Variants in DHRS3 observed in about 807,000 individuals in gnomAD.
DHRS3 encodes the protein short-chain dehydrogenase/reductase 3.
Under a neutral mutation model 27.2 loss-of-function variants are expected in DHRS3, and 14 were observed. That is an observed-to-expected ratio of 0.52 (90% CI 0.34 to 0.81). The LOEUF (loss-of-function observed/expected upper bound fraction) is 0.81. Among genes scored for constraint, DHRS3 ranks in the 30% least tolerant of loss-of-function variants. The probability of loss-of-function intolerance (pLI) is 0.01; values close to 1 mark genes in which losing one functional copy is unlikely to be tolerated. For synonymous variants in DHRS3, 165 were observed against 175.9 expected (o/e 0.94, Z 0.49); for missense variants, 322 against 406.2 (o/e 0.79, Z 1.78).
rs1245331771 is a variant in DHRS3 at position 12,593,457 on chromosome 1, G to A, written c.196-12791C>T. 1.3e-5 allele frequency among the ~76,000 whole-genome samples: 2 copies of A among 152,108 alleles called. No individual in the cohort carries two copies. Among genetic ancestry groups the A allele is most frequent in the Admixed American group, 1.3e-4 (2 of 15,262 alleles). On this transcript the variant is annotated intron_variant, in intron 1 of 5. Coordinates refer to ENST00000616661, the MANE Select transcript of DHRS3 (RefSeq NM_004753.7). This position sits in a 1 kb window ranked among gnomAD's most constrained non-coding sequence, Gnocchi z 4.6. ...GGCTTCAAGTGATCCTCCTGCCTCAGTCTCCCAAAGTGCTGGGATTACAGG... is the reference window on the plus strand; with the variant it reads ...GGCTTCAAGTGATCCTCCTGCCTCAATCTCCCAAAGTGCTGGGATTACAGG...
At chr1:12,590,750 T>C (rs1208921236) in intron 1 of DHRS3, among the ~76,000 whole-genome samples, 5 of 152,138 alleles carry the variant, frequency 3.3e-5, no homozygotes, top group Non-Finnish European at 7.3e-5. Context: ...GTGGGATCCC[T>C]CTAGCTGTCA....
Position 12,608,316 on chromosome 1 carries a change from G to C in DHRS3, c.195+8838C>G, listed in dbSNP as rs6541043. ...AGTACCACGGTCATGAATATTACTA[G>C]GAACGCAAGGAAGCCATCAGCATCC... On this transcript the variant is annotated intron_variant, in intron 1 of 5. Transcript: ENST00000616661. The surrounding 1 kb of genome is among the most constrained non-coding windows in gnomAD (Gnocchi z 4.1). Among the ~76,000 whole-genome samples the C allele has an allele frequency of 0.5, 75,494 of 151,940 alleles. 19,597 individuals carry two copies. Among genetic ancestry groups the C allele is most frequent in the South Asian group, 0.59 (2,839 of 4,804 alleles).
intron 1 of DHRS3, among the ~76,000 whole-genome samples, chr1:12,602,977 C>A (rs1646845582): frequency 6.6e-6 from 1 of 152,226 alleles, no homozygotes; most frequent in African/African-American, 2.4e-5. Flanking sequence ...GGGATGGGTG[C>A]TTTGGAGGCA....
intron 1 of DHRS3, chr1:12,600,317 G>A: frequency 1.3e-5 from 13 of 983,648 alleles, no homozygotes; most frequent in Non-Finnish European, 1.6e-5. Flanking sequence ...TGGCTGAGGA[G>A]GTGTGAGCCC....
rs144578101 is a variant in DHRS3 at position 12,578,306 on chromosome 1, C to CT, written c.698+411dup. Among the ~76,000 whole-genome samples the CT allele has an allele frequency of 0.019, 2,948 of 152,206 alleles. 101 individuals carry two copies. The highest frequency in any genetic ancestry group is 0.067 in the African/African-American group (2,769 of 41,514). On this transcript the variant is annotated intron_variant, in intron 4 of 5. Coordinates refer to ENST00000616661, the MANE Select transcript of DHRS3 (RefSeq NM_004753.7). This position sits in a 1 kb window ranked among gnomAD's most constrained non-coding sequence, Gnocchi z 4.5. The stretch of plus-strand genomic sequence containing the variant: ...GACAGCGTCAAACAGAGGGTAGAGG[C>CT]TCCTTGGTGACTTTTTGTTTTGAGA...
chr1:12,577,080 A>T (rs1039719241), intron 4 of DHRS3, among the ~76,000 whole-genome samples: 5 of 151,914 alleles, frequency 3.3e-5, no homozygotes, highest in Admixed American at 3.3e-4. Context: ...GTCTCACTGA[A>T]TTCTCCTCAT....
chr1:12,609,976 TCCTTATACCCTA>T (rs1646896217), intron 1 of DHRS3, among the ~76,000 whole-genome samples: 1 of 152,194 alleles, frequency 6.6e-6, no homozygotes, highest in Non-Finnish European at 1.5e-5. Flanking sequence ...AGTGTGGCCT[TCCTTATACCCTA>T]CCTAGAATCT....
At chr1:12,579,065 C>T (rs759956337) in intron 3 of DHRS3, 109 bp from the exon 4 acceptor site, 74 of 1,262,544 alleles carry the variant, frequency 5.9e-5, no homozygotes, top group Non-Finnish European at 7.7e-5. Flanking sequence ...CTCTAGGGCC[C>T]GAGCCTTCCT....
chr1:12,585,682 C>T lies in DHRS3; in HGVS notation c.196-5016G>A, dbSNP rs559545798. On this transcript the variant is annotated intron_variant, in intron 1 of 5. Coordinates refer to ENST00000616661, the MANE Select transcript of DHRS3 (RefSeq NM_004753.7). ...CTTCTGGGGAATCTGCGTCACTGAC[C>T]AGGTAACTGGCAGATACCGCTCTGC... Among the ~76,000 whole-genome samples the T allele has an allele frequency of 7.0e-4, 106 of 152,298 alleles. 1 individual carries two copies. The highest frequency in any genetic ancestry group is 9.1e-4 in the Non-Finnish European group (62 of 68,018).
At position 12,578,577 on chromosome 1, in the gene DHRS3, C is replaced by A; in HGVS notation, c.698+141G>T. 1.2e-6 allele frequency: 1 copy of A among 840,104 alleles called. No individual in the cohort carries two copies. The highest frequency in any genetic ancestry group is 2.5e-5 in the Admixed American group (1 of 40,578). The allele number at this position is 840,104 out of a possible 1,614,324, so 52.0% of individuals were successfully genotyped here. On this transcript the variant is annotated intron_variant, in intron 4 of 5. Coordinates refer to ENST00000616661, the MANE Select transcript of DHRS3 (RefSeq NM_004753.7). The surrounding 1 kb of genome is among the most constrained non-coding windows in gnomAD (Gnocchi z 4.5). ...CAAGCGATCCACCTGCCTTGGCTTCCCAAAATGCTAGGATTATAGGTATGA... is the reference window on the plus strand; with the variant it reads ...CAAGCGATCCACCTGCCTTGGCTTCACAAAATGCTAGGATTATAGGTATGA...
chr1:12,603,960 C>T (rs1646853091), intron 1 of DHRS3, among the ~76,000 whole-genome samples: 1 of 152,236 alleles, frequency 6.6e-6, no homozygotes, highest in Non-Finnish European at 1.5e-5. Flanking sequence ...GAGCCTGCAT[C>T]TGAGCCTGTA....
intron 1 of DHRS3, among the ~76,000 whole-genome samples, chr1:12,590,599 C>T (rs972817128): frequency 2.0e-5 from 3 of 152,118 alleles, no homozygotes; most frequent in South Asian, 2.1e-4. Flanking sequence ...CGTGAGCCAC[C>T]GTGCCCGACC....
Position 12,592,682 on chromosome 1 carries a change from T to C in DHRS3, c.196-12016A>G, listed in dbSNP as rs1469894558. Among the ~76,000 whole-genome samples the C allele has an allele frequency of 6.6e-6, 1 of 152,142 alleles. No homozygotes were observed. The highest frequency in any genetic ancestry group is 1.5e-5 in the Non-Finnish European group (1 of 68,022). ...CCACACAGCTGGTGGTCATTTGTTG[T>C]GCCATTGACAGGAAACTAACACAAA... is the stretch of plus-strand genomic sequence containing the variant. On this transcript the variant is annotated intron_variant, in intron 1 of 5. Transcript: ENST00000616661. This position sits in a 1 kb window ranked among gnomAD's most constrained non-coding sequence, Gnocchi z 4.2.
chr1:12,580,839 T>C (rs1646638106), intron 1 of DHRS3, among the ~76,000 whole-genome samples, 173 bp from the exon 2 acceptor site: 1 of 152,302 alleles, frequency 6.6e-6, no homozygotes, highest in East Asian at 1.9e-4. Flanking sequence ...TTTGTTTTTT[T>C]TGAGGCAGGA....
rs1476964381 is a variant in DHRS3, at chr1:12,580,651, G to T, written c.211C>A (p.Arg71=). Residue 71 remains arginine (R), a synonymous_variant, in exon 2 of 6, where the codon CGG becomes AGG. Coordinates refer to ENST00000616661, the MANE Select transcript of DHRS3 (RefSeq NM_004753.7). ...RGARKIVLWG[R]TEKCLKETTE... is the part of the protein sequence containing the mutation. ...GTCTCCTTCAGGCATTTCTCAGTCC[G>T]GCCCCAGAGAACAATCTGGAAGAAG... The T allele has an allele frequency of 6.2e-7, 1 of 1,613,406 alleles. No homozygotes were observed. Among genetic ancestry groups the T allele is most frequent in the Non-Finnish European group, 8.5e-7 (1 of 1,179,586 alleles).
chr1:12,600,503 C>G (rs765162715), intron 1 of DHRS3: 1 of 572,354 alleles, frequency 1.7e-6, no homozygotes, highest in Non-Finnish European at 2.2e-6. Context: ...GGTGGACAGA[C>G]GCCATGTGGG....
In DHRS3 at chr1:12,591,438, T is replaced by C. The variant is rs1327492344; in HGVS notation, c.196-10772A>G. 1.3e-5 allele frequency among the ~76,000 whole-genome samples: 2 copies of C among 152,232 alleles called. No homozygotes were observed. The highest frequency in any genetic ancestry group is 2.9e-5 in the Non-Finnish European group (2 of 68,036). On this transcript the variant is annotated intron_variant, in intron 1 of 5. Coordinates refer to ENST00000616661, the MANE Select transcript of DHRS3 (RefSeq NM_004753.7). The surrounding 1 kb of genome is among the most constrained non-coding windows in gnomAD (Gnocchi z 4.1). The stretch of plus-strand genomic sequence containing the variant: ...GCTCAGCTGTTGGGGAGGATTGTGA[T>C]GAAGCTCCTCAAATTAGATCAGCCA...
chr1:12,600,768 A>T (rs999284067), intron 1 of DHRS3, among the ~76,000 whole-genome samples: 1 of 152,158 alleles, frequency 6.6e-6, no homozygotes, highest in African/African-American at 2.4e-5. Flanking sequence ...TATCACTAGC[A>T]ACCATGACCT....
Position 12,593,561 on chromosome 1 carries a change from G to A in DHRS3, c.196-12895C>T, listed in dbSNP as rs936885242. 6.6e-6 allele frequency among the ~76,000 whole-genome samples: 1 copy of A among 151,984 alleles called. No homozygotes were observed. Among genetic ancestry groups the A allele is most frequent in the African/African-American group, 2.4e-5 (1 of 41,358 alleles). On this transcript the variant is annotated intron_variant, in intron 1 of 5. Transcript: ENST00000616661. This position sits in a 1 kb window ranked among gnomAD's most constrained non-coding sequence, Gnocchi z 4.6. ...TACCCAAGAGGTCTTCATGTAAAAT[G>A]CCCCAACCCCACAAACACCAGCTCT...
Sources: allele counts gnomAD v4.1 joint callset (sites outside exome capture counted in the v4.1 genomes callset), GRCh38; gene constraint gnomAD v4.1.1; non-coding constraint Gnocchi (gnomAD v3.1); transcripts MANE v1.5; gene names NCBI Gene and HGNC (gene_info 2026-07-23, HGNC 2026-07-21).